The following ADCY8 variants were observed in gnomAD, a reference collection of about 807,000 sequenced individuals.
The protein encoded by ADCY8 is adenylate cyclase 8, also known as adenylate cyclase type 8.
A neutral mutation model predicts 119.7 loss-of-function variants in ADCY8; 51 were observed. The observed-to-expected ratio is 0.43, with a 90% CI of 0.34 to 0.54. The LOEUF (loss-of-function observed/expected upper bound fraction) is 0.54. Among genes scored for constraint, ADCY8 ranks in the 20% least tolerant of loss-of-function variants. The pLI, the probability that ADCY8 is intolerant of heterozygous loss-of-function variation, is 0.03. For synonymous variants in ADCY8, 665 were observed against 651.0 expected (o/e 1.02, Z -0.33); for missense variants, 1,383 against 1,598.8 (o/e 0.87, Z 2.30).
At chr8:130,828,157 T>C (rs1049076405) in intron 12 of ADCY8, among the ~76,000 whole-genome samples, 1 of 152,206 alleles carries the variant, frequency 6.6e-6, no homozygotes, top group African/African-American at 2.4e-5. Flanking sequence ...CCAACTTTCC[T>C]ATTGTAGTTT....
chr8:130,792,030 T>G (rs890108739), intron 15 of ADCY8, among the ~76,000 whole-genome samples: 4 of 152,180 alleles, frequency 2.6e-5, no homozygotes, highest in Non-Finnish European at 5.9e-5. Flanking sequence ...TCCTCCCCAT[T>G]TTTTCCTAAG....
At chr8:131,010,759 A>T (rs994392143) in intron 1 of ADCY8, among the ~76,000 whole-genome samples, 5 of 152,216 alleles carry the variant, frequency 3.3e-5, no homozygotes, top group Non-Finnish European at 7.3e-5. Flanking sequence ...ACTAGGTTTA[A>T]AGTTACATCT....
intron 15 of ADCY8, among the ~76,000 whole-genome samples, chr8:130,785,947 C>A (rs1408908907): frequency 6.6e-6 from 1 of 152,342 alleles, no homozygotes; most frequent in South Asian, 2.1e-4. Context: ...GACTTCTGCA[C>A]CTGTTGTTCT....
rs757411761 is a variant in ADCY8 at position 131,040,231 on chromosome 8, G to T, written c.103C>A (p.Arg35=). Residue 35 remains arginine (R), a synonymous_variant, in exon 1 of 18, where the codon CGG becomes AGG. Coordinates refer to ENST00000286355, the MANE Select transcript of ADCY8 (RefSeq NM_001115.3). ...GDGRSASRPQ[R]LLWQTAVRHI... The stretch of plus-strand genomic sequence containing the variant: ...CGCACCGCCGTCTGCCACAGCAGCC[G>T]CTGCGGCCGGGAGGCGCTCCTGCCG... The T allele has an allele frequency of 2.6e-6, 4 of 1,542,828 alleles. No homozygotes were observed. The highest frequency in any genetic ancestry group is 4.8e-5 in the East Asian group (2 of 41,272).
chr8:131,038,879 T>C (rs1006866644), intron 1 of ADCY8, among the ~76,000 whole-genome samples: 1 of 152,196 alleles, frequency 6.6e-6, no homozygotes, highest in Non-Finnish European at 1.5e-5. Flanking sequence ...ACAATCAGTA[T>C]GTGTTTAACA....
chr8:130,809,136 C>T lies in ADCY8; in HGVS notation c.2913+4933G>A, dbSNP rs568755465. Among the ~76,000 whole-genome samples the T allele has an allele frequency of 7.9e-5, 12 of 152,248 alleles. No homozygotes were observed. The South Asian group carries it at 2.3e-3, about 29-fold the overall frequency. On this transcript the variant is annotated intron_variant, in intron 14 of 17. Transcript: ENST00000286355. ...CTTCTGGGTGTGAGGCCCTGTCCAC[C>T]GCCTGTGTTTGGATGGTTTGAGTCA...
At chr8:131,037,346 G>T (rs1445569568) in intron 1 of ADCY8, among the ~76,000 whole-genome samples, 1 of 152,124 alleles carries the variant, frequency 6.6e-6, no homozygotes, top group Non-Finnish European at 1.5e-5. Context: ...CTCCCATCTG[G>T]TAGTATTTGA....
chr8:130,930,458 A>T (rs1216721973), intron 5 of ADCY8, among the ~76,000 whole-genome samples: 1 of 151,992 alleles, frequency 6.6e-6, no homozygotes, highest in East Asian at 1.9e-4. Context: ...TCACCGTGTT[A>T]ACCAGGATGG....
At chr8:130,950,513 T>C (rs1356925649) in intron 3 of ADCY8, among the ~76,000 whole-genome samples, 1 of 152,024 alleles carries the variant, frequency 6.6e-6, no homozygotes, top group Non-Finnish European at 1.5e-5. Flanking sequence ...GGGGACAGGG[T>C]TGATTGCACA....
chr8:130,961,264 A>T (rs1158017736), intron 2 of ADCY8, among the ~76,000 whole-genome samples: 1 of 151,608 alleles, frequency 6.6e-6, no homozygotes. Context: ...GCCTGCCACC[A>T]CTCCTGGCTA....
At chr8:130,813,778 C>T (rs1032185908) in intron 14 of ADCY8, among the ~76,000 whole-genome samples, 5 of 151,990 alleles carry the variant, frequency 3.3e-5, no homozygotes, top group African/African-American at 7.3e-5. Context: ...TACATACATA[C>T]GTACATACAC....
chr8:130,825,961 G>T (rs113836428), intron 12 of ADCY8, among the ~76,000 whole-genome samples: 5 of 152,170 alleles, frequency 3.3e-5, no homozygotes, highest in African/African-American at 1.2e-4. Flanking sequence ...TACTTCCGCA[G>T]GATCTTTCAG....
intron 1 of ADCY8, among the ~76,000 whole-genome samples, chr8:131,007,943 T>C (rs1333589088): frequency 2.0e-5 from 3 of 152,170 alleles, no homozygotes; most frequent in Non-Finnish European, 4.4e-5. Flanking sequence ...TTATTGAATA[T>C]CTACTGTGTC....
intron 2 of ADCY8, among the ~76,000 whole-genome samples, chr8:130,978,485 A>T (rs142636298): frequency 1.2e-3 from 186 of 152,306 alleles, no homozygotes; most frequent in Middle Eastern, 6.8e-3. Context: ...GGGGAAAGAG[A>T]AATGCTCATT....
At chr8:131,013,935 G>A (rs1422056576) in intron 1 of ADCY8, among the ~76,000 whole-genome samples, 2 of 152,106 alleles carry the variant, frequency 1.3e-5, no homozygotes, top group South Asian at 2.1e-4. Context: ...TGTGTTTATT[G>A]TTGCAAAGGA....
intron 9 of ADCY8, among the ~76,000 whole-genome samples, chr8:130,855,099 G>GTC (rs374605470): frequency 1.6e-4 from 23 of 146,390 alleles, no homozygotes; most frequent in South Asian, 1.1e-3. Flanking sequence ...GGTAAGCACT[G>GTC]TCTCTCTCTC....
chr8:130,979,316 C>A (rs908543068), intron 2 of ADCY8, among the ~76,000 whole-genome samples: 1 of 152,168 alleles, frequency 6.6e-6, no homozygotes. Flanking sequence ...TGAACTATAT[C>A]TTTTCCCTAT....
intron 3 of ADCY8, among the ~76,000 whole-genome samples, chr8:130,947,420 A>G (rs1219815046): frequency 1.3e-5 from 2 of 152,228 alleles, no homozygotes; most frequent in African/African-American, 2.4e-5. Context: ...AAATCATTGC[A>G]TAATTCTCAA....
At chr8:130,860,717 G>A (rs572702323) in intron 9 of ADCY8, among the ~76,000 whole-genome samples, 1 of 152,256 alleles carries the variant, frequency 6.6e-6, no homozygotes, top group South Asian at 2.1e-4. Flanking sequence ...GTGGTTTGGA[G>A]CACCTATCAA....
Sources: allele counts gnomAD v4.1 joint callset (sites outside exome capture counted in the v4.1 genomes callset), GRCh38; gene constraint gnomAD v4.1.1; transcripts MANE v1.5; gene names NCBI Gene and HGNC (gene_info 2026-07-23, HGNC 2026-07-21).